Variants in HS6ST2 observed in about 807,000 individuals in gnomAD.
HS6ST2 encodes the protein heparan-sulfate 6-O-sulfotransferase 2.
In HS6ST2, 17 loss-of-function variants were observed where a neutral mutation model predicts 33.0. That is an observed-to-expected ratio of 0.52 (90% confidence interval 0.35 to 0.77). The LOEUF (loss-of-function observed/expected upper bound fraction) is 0.77. Among genes scored for constraint, HS6ST2 ranks in the 30% least tolerant of loss-of-function variants. The pLI, the probability that HS6ST2 is intolerant of heterozygous loss-of-function variation, is 0.01. For synonymous variants in HS6ST2, 248 were observed against 237.1 expected, an observed-to-expected ratio of 1.05 and a Z score of -0.42; for missense variants, 519 against 551.7, an observed-to-expected ratio of 0.94 and a Z score of 0.59.
At chrX:132,871,059 A>C (rs898997109) in intron 2 of HS6ST2, among the ~76,000 whole-genome samples, 1 of 111,915 alleles carries the variant, frequency 8.9e-6, no homozygotes, top group Non-Finnish European at 1.9e-5. Flanking sequence ...AGAATCTACA[A>C]GGAACTTAAA....
At chrX:132,644,982 C>T (rs1374364485) in intron 4 of HS6ST2, among the ~76,000 whole-genome samples, 4 of 111,248 alleles carry the variant, frequency 3.6e-5, no homozygotes, top group African/African-American at 9.8e-5. Context: ...CCTGAAATCC[C>T]ATCCTTAGTT....
At chrX:132,915,930 T>C (rs2066584241) in intron 2 of HS6ST2, among the ~76,000 whole-genome samples, 1 of 108,939 alleles carries the variant, frequency 9.2e-6, no homozygotes, top group Non-Finnish European at 1.9e-5. Context: ...AGACAGGGTT[T>C]CACCACATTG....
intron 2 of HS6ST2, among the ~76,000 whole-genome samples, chrX:132,839,014 T>C (rs1173967813): frequency 9.7e-6 from 1 of 102,760 alleles, no homozygotes; most frequent in Non-Finnish European, 2.0e-5. Flanking sequence ...AAGAGAAAGC[T>C]TATACACTGT....
intron 2 of HS6ST2, among the ~76,000 whole-genome samples, chrX:132,906,615 T>C (rs746385120): frequency 3.6e-5 from 4 of 111,608 alleles, no homozygotes; most frequent in Non-Finnish European, 5.6e-5. Flanking sequence ...CCCTCGTGAA[T>C]GGGCTTGGTG....
At chrX:132,865,045 T>C (rs1163022982) in intron 2 of HS6ST2, among the ~76,000 whole-genome samples, 1 of 110,256 alleles carries the variant, frequency 9.1e-6, no homozygotes, top group Admixed American at 9.7e-5. Context: ...CTTACATATG[T>C]ATACATGTGT....
intron 2 of HS6ST2, among the ~76,000 whole-genome samples, chrX:132,899,784 C>T (rs2066411111): frequency 9.0e-6 from 1 of 111,058 alleles, no homozygotes; most frequent in African/African-American, 3.3e-5. Context: ...AGGAAAAAAC[C>T]ACACCATAGC....
intron 2 of HS6ST2, among the ~76,000 whole-genome samples, chrX:132,885,561 A>G (rs2066241388): frequency 8.9e-6 from 1 of 111,743 alleles, no homozygotes; most frequent in South Asian, 3.8e-4. Flanking sequence ...AGAGGAAAGA[A>G]TATACAGTCA....
chrX:132,847,234 G>A (rs1472062476), intron 2 of HS6ST2, among the ~76,000 whole-genome samples: 1 of 111,458 alleles, frequency 9.0e-6, no homozygotes, highest in Non-Finnish European at 1.9e-5. Flanking sequence ...CTTGAAGCAG[G>A]GTTCTGTAAC....
chrX:132,945,866 G>T (rs1305634112), intron 2 of HS6ST2, among the ~76,000 whole-genome samples: 4 of 74,507 alleles, frequency 5.4e-5, no homozygotes, highest in Non-Finnish European at 9.9e-5. Context: ...GGGGGGAGGG[G>T]GGAGGGATAG....
At chrX:132,743,820 T>C (rs752682244) in intron 2 of HS6ST2, among the ~76,000 whole-genome samples, 1 of 111,876 alleles carries the variant, frequency 8.9e-6, no homozygotes, top group Non-Finnish European at 1.9e-5. Context: ...CAGGCTGGAA[T>C]GCAATGATGT....
chrX:132,665,316 G>A (rs2063801324), intron 4 of HS6ST2, among the ~76,000 whole-genome samples: 1 of 111,682 alleles, frequency 9.0e-6, no homozygotes, highest in Non-Finnish European at 1.9e-5. Context: ...GAGAAGAACT[G>A]TAGCATACAT....
At chrX:132,854,997 A>G (rs1374743969) in intron 2 of HS6ST2, among the ~76,000 whole-genome samples, 1 of 112,185 alleles carries the variant, frequency 8.9e-6, no homozygotes, top group Non-Finnish European at 1.9e-5. Context: ...GGTGAGTTCT[A>G]GAAATTCTGT....
chrX:132,890,826 G>A (rs5933231), intron 2 of HS6ST2, among the ~76,000 whole-genome samples: 2 of 110,890 alleles, frequency 1.8e-5, no homozygotes, highest in East Asian at 5.7e-4. Flanking sequence ...AAATTAGGGA[G>A]TACTTCTGCC....
rs6638015 is a variant in HS6ST2 at position 132,637,875 on chromosome X, A to T, written c.1068-8782T>A. Among the ~76,000 whole-genome samples, 31 of 37,024 alleles carry T rather than the reference A, an allele frequency of 8.4e-4. 1 individual carries two copies. The South Asian group carries it at 9.4e-3, about 11-fold the overall frequency. The allele number at this position is 37,024 out of a possible 115,157, so 32.2% of individuals were successfully genotyped here. A position where few individuals can be genotyped will look rare whatever the true frequency, so the allele number is the denominator to read the frequency against. Reference sequence around the variant, plus strand: ...AATATATATATAATATATTATATATAATATATATATAATATTTTATATATA... The same window carrying T: ...AATATATATATAATATATTATATATTATATATATATAATATTTTATATATA... On this transcript the variant is annotated intron_variant, in intron 4 of 4. Transcript: ENST00000370833.
chrX:132,843,022 C>G (rs945178255), intron 2 of HS6ST2, among the ~76,000 whole-genome samples: 1 of 111,743 alleles, frequency 8.9e-6, no homozygotes, highest in African/African-American at 3.2e-5. Flanking sequence ...CAGGCAGCCC[C>G]GAGTGGCAGT....
Position 132,750,047 on chromosome X carries a change from G to A in HS6ST2, c.948-41553C>T, listed in dbSNP as rs1355307486. On this transcript the variant is annotated intron_variant, in intron 2 of 4. Coordinates refer to ENST00000370833, the MANE Select transcript of HS6ST2 (RefSeq NM_001394073.1). ...TTCAGAAACAAAGCAAATTAACCGG[G>A]GTGGGGGGCCTAGGGAGGACACACC... is the stretch of plus-strand genomic sequence containing the variant. 3.6e-5 allele frequency among the ~76,000 whole-genome samples: 4 copies of A among 109,984 alleles called. No individual in the cohort carries two copies. In the Admixed American group the frequency reaches 3.9e-4, roughly 11 times the overall value.
intron 2 of HS6ST2, among the ~76,000 whole-genome samples, chrX:132,928,744 G>A (rs2148484755): frequency 9.0e-6 from 1 of 111,097 alleles, no homozygotes; most frequent in Non-Finnish European, 1.9e-5. Flanking sequence ...AGTAGTCTAT[G>A]AACTCTCCAA....
chrX:132,731,869 GAA>G (rs1443457904), intron 2 of HS6ST2, among the ~76,000 whole-genome samples: 9 of 108,930 alleles, frequency 8.3e-5, no homozygotes, highest in Non-Finnish European at 1.5e-4. Context: ...AAAAAAAAAG[GAA>G]ATTGGGGAAG....
rs751458350 is a variant in HS6ST2, at chrX:132,669,152, G to A, written c.1028C>T (p.Pro343Leu). 10 of 1,208,568 alleles carry A rather than the reference G, an allele frequency of 8.3e-6. No homozygotes were observed. The highest frequency in any genetic ancestry group is 4.6e-4 in the Middle Eastern group (2 of 4,345). ...SPNTNAGANS[P>L]SSTKTRNTSK... ...TGTGTTCCGGGTCTTTGTGGATGAC[G>A]GAGAGTTGGCGCCTGCGTTAGTGTT... The change falls in exon 4 of 5, where the codon CCG becomes CTG. Residue 343 changes from proline to leucine, a missense_variant. Pro to Leu is a moderately conservative substitution (Grantham distance 98, BLOSUM62 -3). Transcript: ENST00000370833.
Sources: gnomAD v4.1 joint callset for allele counts (sites outside exome capture counted in the v4.1 genomes callset) on GRCh38, gnomAD v4.1.1 for gene constraint, MANE v1.5 for transcripts, NCBI Gene and HGNC (gene_info 2026-07-23, HGNC 2026-07-21) for gene names.